The following SDK1 variants were observed in gnomAD, a reference collection of about 807,000 sequenced individuals.
SDK1 encodes the protein protein sidekick-1.
SDK1 carries 157 observed loss-of-function variants against 245.5 expected under a neutral mutation model. That is an observed-to-expected ratio of 0.64 (90% CI 0.56 to 0.73). SDK1 has a LOEUF of 0.73. Among genes scored for constraint, SDK1 ranks in the 30% least tolerant of loss-of-function variants. SDK1 has a pLI of 0.00. For missense variants in SDK1, 3,583 were observed against 3,002.3 expected (o/e 1.19, Z -4.52); for synonymous variants, 1,647 against 1,278.5 (o/e 1.29, Z -6.15).
intron 5 of SDK1, among the ~76,000 whole-genome samples, chr7:3,902,806 GT>G (rs1781834085): frequency 6.6e-6 from 1 of 151,992 alleles, no homozygotes; most frequent in Non-Finnish European, 1.5e-5. Flanking sequence ...ATGTTTTATT[GT>G]TTGCTAGTTT....
At chr7:3,480,733 C>A (rs9648354) in intron 1 of SDK1, among the ~76,000 whole-genome samples, 1 of 152,036 alleles carries the variant, frequency 6.6e-6, no homozygotes, top group East Asian at 1.9e-4. Flanking sequence ...GAAAGCCAGT[C>A]TCTCGTTTAT....
intron 1 of SDK1, among the ~76,000 whole-genome samples, chr7:3,581,471 G>A (rs1056049377): frequency 6.6e-6 from 1 of 152,152 alleles, no homozygotes; most frequent in Non-Finnish European, 1.5e-5. Context: ...TAGTCAGAAT[G>A]GTTATCATTA....
chr7:3,404,423 G>A (rs908032628), intron 1 of SDK1, among the ~76,000 whole-genome samples: 22 of 152,104 alleles, frequency 1.4e-4, no homozygotes, highest in South Asian at 4.1e-4. Context: ...TTCTGCCATG[G>A]TTGATAAACA....
intron 5 of SDK1, among the ~76,000 whole-genome samples, chr7:3,864,161 G>C (rs1162450274): frequency 6.6e-6 from 1 of 152,118 alleles, no homozygotes; most frequent in Non-Finnish European, 1.5e-5. Flanking sequence ...GAAGTAGGCT[G>C]GTCTATTTTT....
At chr7:3,371,048 C>T (rs1029174463) in intron 1 of SDK1, among the ~76,000 whole-genome samples, 2 of 152,128 alleles carry the variant, frequency 1.3e-5, no homozygotes, top group Non-Finnish European at 2.9e-5. Flanking sequence ...AAGAGCCGTG[C>T]ATCCCCGTGT....
chr7:4,181,631 C>A (rs1016955948), intron 35 of SDK1, among the ~76,000 whole-genome samples: 2 of 152,330 alleles, frequency 1.3e-5, no homozygotes, highest in Non-Finnish European at 2.9e-5. Context: ...CCTCAACACA[C>A]CCACACCCTC....
intron 27 of SDK1, chr7:4,130,616 G>C (rs577825954): frequency 6.6e-6 from 1 of 152,508 alleles, no homozygotes; most frequent in African/African-American, 2.4e-5. Context: ...AGAAAGCCCC[G>C]TGCTGGATGG....
chr7:4,044,872 C>T (rs571927354), intron 17 of SDK1, among the ~76,000 whole-genome samples: 13 of 152,262 alleles, frequency 8.5e-5, no homozygotes, highest in Admixed American at 3.9e-4. Context: ...ACCAGCGTGA[C>T]GGAGATATGA....
chr7:4,232,992 C>A (rs545916998), intron 40 of SDK1: 33 of 369,330 alleles, frequency 8.9e-5, no homozygotes, highest in African/African-American at 5.9e-4. Flanking sequence ...CATAACCTAA[C>A]GTTTCCCACT....
chr7:3,387,935 T>C (rs1781650982), intron 1 of SDK1, among the ~76,000 whole-genome samples: 1 of 152,208 alleles, frequency 6.6e-6, no homozygotes, highest in South Asian at 2.1e-4. Flanking sequence ...ACATAGAAGT[T>C]ACATAATTTG....
At chr7:3,625,753 C>G (rs1036498754) in intron 2 of SDK1, among the ~76,000 whole-genome samples, 1 of 152,138 alleles carries the variant, frequency 6.6e-6, no homozygotes, top group Admixed American at 6.6e-5. Flanking sequence ...TGGTAAGCAG[C>G]TAAACCTGCT....
Position 3,655,505 on chromosome 7 carries a change from GTA to G in SDK1, c.713+13402_713+13403del, listed in dbSNP as rs1483696056. Among the ~76,000 whole-genome samples, 9 of 48,808 alleles carry G rather than the reference GTA, an allele frequency of 1.8e-4. 1 individual carries two copies. The East Asian group carries it at 4.2e-3, about 23-fold the overall frequency. 32.0% of individuals were successfully genotyped at this position (48,808 alleles called of 152,430 possible). ...TATATATATATATATATATATATAT[GTA>G]TGTATGTATATAAAATGTGCTAGTA... On this transcript the variant is annotated intron_variant, in intron 4 of 44. Transcript: ENST00000404826.
intron 1 of SDK1, among the ~76,000 whole-genome samples, chr7:3,606,603 C>G (rs1010446755): frequency 1.3e-5 from 2 of 152,154 alleles, no homozygotes; most frequent in Non-Finnish European, 1.5e-5. Context: ...ACATCAGCGA[C>G]TTTGTACTTG....
At chr7:3,433,868 T>A (rs984116188) in intron 1 of SDK1, among the ~76,000 whole-genome samples, 3 of 152,228 alleles carry the variant, frequency 2.0e-5, no homozygotes, top group Non-Finnish European at 4.4e-5. Context: ...TTCAGAAATA[T>A]GTGTTTTAGA....
At chr7:3,938,690 G>C (rs1357895778) in intron 5 of SDK1, among the ~76,000 whole-genome samples, 1 of 149,756 alleles carries the variant, frequency 6.7e-6, no homozygotes, top group African/African-American at 2.5e-5. Context: ...TCTTGAATCA[G>C]ATATTTGGAT....
At chr7:3,902,661 A>G (rs930798490) in intron 5 of SDK1, among the ~76,000 whole-genome samples, 4 of 152,226 alleles carry the variant, frequency 2.6e-5, no homozygotes, top group South Asian at 4.1e-4. Context: ...AACTGTTAGT[A>G]TAGTTCAAAA....
intron 13 of SDK1, among the ~76,000 whole-genome samples, chr7:3,986,147 A>G (rs908349355): frequency 6.6e-6 from 1 of 152,012 alleles, no homozygotes; most frequent in Non-Finnish European, 1.5e-5. Context: ...CTTGGTAGAA[A>G]CCATGTAGTA....
chr7:4,076,108 C>T (rs1435035138), intron 20 of SDK1, among the ~76,000 whole-genome samples: 1 of 152,214 alleles, frequency 6.6e-6, no homozygotes, highest in East Asian at 1.9e-4. Context: ...AAGCAAAACT[C>T]ACACACTCAG....
At chr7:3,506,648 C>T (rs1367630135) in intron 1 of SDK1, among the ~76,000 whole-genome samples, 1 of 152,066 alleles carries the variant, frequency 6.6e-6, no homozygotes, top group Non-Finnish European at 1.5e-5. Context: ...GTCTTCCTCC[C>T]CCTGCTCCCC....
Sources: allele counts gnomAD v4.1 joint callset (sites outside exome capture counted in the v4.1 genomes callset), GRCh38; gene constraint gnomAD v4.1.1; transcripts MANE v1.5; gene names NCBI Gene and HGNC (gene_info 2026-07-23, HGNC 2026-07-21).